The following FAM107B variants were observed in gnomAD, a reference collection of about 807,000 sequenced individuals.
FAM107B encodes protein FAM107B.
In FAM107B, 21 loss-of-function variants were observed where a neutral mutation model predicts 31.5. The ratio of observed to expected loss-of-function variants is 0.67; its 90% CI spans 0.47 to 0.96. The LOEUF (loss-of-function observed/expected upper bound fraction) is 0.96, where lower values mean the gene tolerates loss of function less well. Among genes scored for constraint, FAM107B ranks in the 40% least tolerant of loss-of-function variants. FAM107B has a pLI of 0.00. For synonymous variants in FAM107B, 157 were observed against 141.5 expected (o/e 1.11, Z -0.78); for missense variants, 452 against 377.1 (o/e 1.20, Z -1.64).
chr10:14,689,463 G>A (rs943755781), intron 1 of FAM107B, among the ~76,000 whole-genome samples: 1 of 151,856 alleles, frequency 6.6e-6, no homozygotes, highest in Non-Finnish European at 1.5e-5. Context: ...ACTGGGAAAT[G>A]CTAGAGTAGA....
rs139359106 is a variant in FAM107B, at chr10:14,697,974, A to C, written c.412-30283T>G. Among the ~76,000 whole-genome samples, 206 of 152,180 alleles carry C rather than the reference A, an allele frequency of 1.4e-3. 2 individuals carry two copies. In the East Asian group the frequency reaches 0.038, roughly 28 times the overall value. ...ACCCCATCTCTATTAAAAATACAAA[A>C]ATTAGCTGGGCTAGGTGGCACGTGC... On this transcript the variant is annotated intron_variant, in intron 1 of 4. Transcript: ENST00000181796.
rs926572976 is a variant in FAM107B at position 14,600,659 on chromosome 10, C to T, written c.469+66975G>A. Among the ~76,000 whole-genome samples, 11 of 151,988 alleles carry T rather than the reference C, an allele frequency of 7.2e-5. 1 individual carries two copies. Among genetic ancestry groups the T allele is most frequent in the African/African-American group, 9.7e-5 (4 of 41,358 alleles). On this transcript the variant is annotated intron_variant, in intron 2 of 4. Coordinates refer to ENST00000181796, the MANE Select transcript of FAM107B (RefSeq NM_031453.4). ...ATGTATATGTATATGTATTTTTTAG[C>T]GACAGGCTCTCACTCTGTCACCCAG... is the stretch of plus-strand genomic sequence containing the variant.
intron 1 of FAM107B, among the ~76,000 whole-genome samples, chr10:14,694,988 A>C (rs1262530881): frequency 6.6e-6 from 1 of 152,070 alleles, no homozygotes; most frequent in Non-Finnish European, 1.5e-5. Flanking sequence ...TGCTGTGTAG[A>C]AGCTTTTTAG....
At chr10:14,701,497 G>A (rs763112072) in intron 1 of FAM107B, among the ~76,000 whole-genome samples, 35 of 152,114 alleles carry the variant, frequency 2.3e-4, no homozygotes, top group Non-Finnish European at 3.8e-4. Flanking sequence ...CTCCCACCTC[G>A]GCCTCCCAAA....
intron 1 of FAM107B, among the ~76,000 whole-genome samples, chr10:14,685,043 G>T (rs549629474): frequency 6.6e-6 from 1 of 151,954 alleles, no homozygotes; most frequent in Non-Finnish European, 1.5e-5. Context: ...CAATGCCCAG[G>T]GTGCCCAGGG....
rs1051838656 is a variant in FAM107B, at chr10:14,519,320, G to A, written c.*1870C>T. 2 of 152,058 alleles carry A rather than the reference G, an allele frequency of 1.3e-5. No homozygotes were observed. The highest frequency in any genetic ancestry group is 4.8e-5 in the African/African-American group (2 of 41,412). The allele number at this position is 152,058 out of a possible 1,614,324, so 9.4% of individuals were successfully genotyped here. On this transcript the variant is annotated 3_prime_UTR_variant, in exon 5 of 5. Coordinates refer to ENST00000181796, the MANE Select transcript of FAM107B (RefSeq NM_031453.4). ...GACATCTAGTTAGATAAAAAGATAT[G>A]AGCCAGTCCCGAATCTTCATTTTAC...
rs552873372 is a variant in FAM107B at position 14,758,577 on chromosome 10, G to C, written c.411+15676C>G. 7.2e-5 allele frequency among the ~76,000 whole-genome samples: 11 copies of C among 152,164 alleles called. No individual in the cohort carries two copies. The East Asian group carries it at 1.9e-3, about 27-fold the overall frequency. On this transcript the variant is annotated intron_variant, in intron 1 of 4. Transcript: ENST00000181796. The stretch of plus-strand genomic sequence containing the variant: ...GTGATTCTGAGCATCCAAGAGCAGC[G>C]CAGGGCCTGACAGCCTCTGCACTGG...
intron 2 of FAM107B, among the ~76,000 whole-genome samples, chr10:14,531,702 C>A (rs553324838): frequency 5.3e-4 from 81 of 151,968 alleles, no homozygotes; most frequent in African/African-American, 1.9e-3. Context: ...AATAGCCAGG[C>A]GTGGTGGCGT....
At chr10:14,570,392 C>T (rs764547318) in intron 2 of FAM107B, among the ~76,000 whole-genome samples, 1 of 152,090 alleles carries the variant, frequency 6.6e-6, no homozygotes, top group Non-Finnish European at 1.5e-5. Context: ...AGAATGACTG[C>T]CCAAGAGGAA....
intron 2 of FAM107B, among the ~76,000 whole-genome samples, chr10:14,638,848 C>G (rs1853563860): frequency 6.6e-6 from 1 of 152,128 alleles, no homozygotes; most frequent in Non-Finnish European, 1.5e-5. Flanking sequence ...ATGTCCTCAA[C>G]TTTCTCAGGT....
intron 1 of FAM107B, among the ~76,000 whole-genome samples, chr10:14,759,623 G>C (rs1038884427): frequency 6.6e-6 from 1 of 152,192 alleles, no homozygotes; most frequent in Admixed American, 6.5e-5. Context: ...CTGGCACCTA[G>C]AGGGCATTTA....
At chr10:14,558,274 TGCAC>T (rs962446546) in intron 2 of FAM107B, among the ~76,000 whole-genome samples, 1 of 151,844 alleles carries the variant, frequency 6.6e-6, no homozygotes, top group Non-Finnish European at 1.5e-5. Context: ...CACACATACG[TGCAC>T]GCACACACAC....
intron 2 of FAM107B, among the ~76,000 whole-genome samples, chr10:14,583,086 C>CAAAAAAAAAAAAAAAA (rs60205603): frequency 1.8e-5 from 1 of 56,358 alleles, no homozygotes; most frequent in African/African-American, 6.3e-5. Flanking sequence ...GACTCTGTCT[C>CAAAAAAAAAAAAAAAA]AAAAAAAAAA....
intron 1 of FAM107B, among the ~76,000 whole-genome samples, chr10:14,734,488 GTT>G (rs74521923): frequency 1.4e-4 from 20 of 138,428 alleles, no homozygotes; most frequent in Admixed American, 2.9e-4. Flanking sequence ...TTTTTGTGAG[GTT>G]TTTTTTTTTT....
chr10:14,722,790 T>G (rs1855943453), intron 1 of FAM107B, among the ~76,000 whole-genome samples: 1 of 152,186 alleles, frequency 6.6e-6, no homozygotes, highest in African/African-American at 2.4e-5. Context: ...TGATGGAGCC[T>G]TTTGAAGCAT....
At chr10:14,559,110 A>AAAC (rs1554832884) in intron 2 of FAM107B, among the ~76,000 whole-genome samples, 1 of 83,568 alleles carries the variant, frequency 1.2e-5, no homozygotes, top group African/African-American at 3.7e-5. Flanking sequence ...AAAAAAAAAA[A>AAAC]AAAAAAACAA....
intron 2 of FAM107B, among the ~76,000 whole-genome samples, chr10:14,654,842 T>C (rs564139652): frequency 6.6e-6 from 1 of 152,318 alleles, no homozygotes; most frequent in African/African-American, 2.4e-5. Context: ...AGTGGATGCA[T>C]AGAACACTGT....
chr10:14,643,334 C>G (rs373880462), intron 2 of FAM107B, among the ~76,000 whole-genome samples: 1 of 151,588 alleles, frequency 6.6e-6, no homozygotes, highest in African/African-American at 2.4e-5. Context: ...AGCAGTCCGG[C>G]AGGAGGGATC....
intron 2 of FAM107B, among the ~76,000 whole-genome samples, chr10:14,589,061 G>T (rs1228989230): frequency 2.6e-5 from 4 of 151,184 alleles, no homozygotes; most frequent in East Asian, 1.9e-4. Flanking sequence ...GCATGCCGGT[G>T]GTCTCAGCTA....
Sources: gnomAD v4.1 joint callset for allele counts (sites outside exome capture counted in the v4.1 genomes callset) on GRCh38, gnomAD v4.1.1 for gene constraint, MANE v1.5 for transcripts, NCBI Gene and HGNC (gene_info 2026-07-23, HGNC 2026-07-21) for gene names.